ABCC1: variants seen among roughly 807,000 people sequenced by gnomAD.
ABCC1 encodes ATP binding cassette subfamily C member 1 (ABCC1 blood group).
ABCC1 carries 83 observed loss-of-function variants against 172.9 expected under a neutral mutation model. That is an observed-to-expected ratio of 0.48 (90% CI 0.40 to 0.58). The LOEUF is 0.58. ABCC1 is among the 20% of genes least tolerant of loss of function. The pLI, the probability that ABCC1 is intolerant of heterozygous loss-of-function variation, is 0.00. For synonymous variants in ABCC1, 937 were observed against 825.2 expected (o/e 1.14, Z -2.32); for missense variants, 1,817 against 2,002.7 (o/e 0.91, Z 1.77).
intron 1 of ABCC1, among the ~76,000 whole-genome samples, chr16:15,962,751 C>G (rs1352224379): frequency 6.6e-6 from 1 of 152,216 alleles, no homozygotes; most frequent in African/African-American, 2.4e-5. Context: ...ATCTAATCAC[C>G]TCCAGTGAGG....
chr16:16,086,179 G>A (rs138807612), intron 17 of ABCC1, among the ~76,000 whole-genome samples: 198 of 152,314 alleles, frequency 1.3e-3, no homozygotes, highest in Admixed American at 1.9e-3. Flanking sequence ...ATTTGGTGCC[G>A]TCAGCCATCC....
chr16:16,013,346 G>A (rs138355264), intron 3 of ABCC1, among the ~76,000 whole-genome samples: 1 of 150,366 alleles, frequency 6.7e-6, no homozygotes, highest in African/African-American at 2.4e-5. Context: ...TCTCAGCTCA[G>A]TGTAGCCTCC....
At chr16:16,037,033 C>T (rs1016922277) in intron 7 of ABCC1, among the ~76,000 whole-genome samples, 2 of 151,388 alleles carry the variant, frequency 1.3e-5, no homozygotes, top group Admixed American at 6.6e-5. Flanking sequence ...ACCCAGGAGG[C>T]GGAGGTTGCA....
chr16:15,949,201 G>T (rs765754524), upstream of ABCC1, among the ~76,000 whole-genome samples: 11 of 152,136 alleles, frequency 7.2e-5, no homozygotes, highest in East Asian at 1.9e-4. Flanking sequence ...CTTCATGAAC[G>T]TGGAGACTTT....
chr16:16,101,100 C>T (rs2051723691), intron 19 of ABCC1, among the ~76,000 whole-genome samples: 1 of 151,454 alleles, frequency 6.6e-6, no homozygotes, highest in African/African-American at 2.4e-5. Context: ...AGCATGATTT[C>T]AGCTCACTGC....
At chr16:16,015,249 C>T (rs1385427374) in intron 4 of ABCC1, among the ~76,000 whole-genome samples, 1 of 151,666 alleles carries the variant, frequency 6.6e-6, no homozygotes, top group Non-Finnish European at 1.5e-5. Flanking sequence ...AAGCGATTCT[C>T]CTGCCTCAGC....
intron 19 of ABCC1, among the ~76,000 whole-genome samples, chr16:16,101,014 GA>G (rs1470684307): frequency 7.0e-6 from 1 of 143,170 alleles, no homozygotes; most frequent in Non-Finnish European, 1.5e-5. Context: ...GTGTTTTTTA[GA>G]TTTTTTTTTT....
intron 12 of ABCC1, among the ~76,000 whole-genome samples, chr16:16,059,621 G>A (rs949111828): frequency 3.3e-5 from 5 of 151,960 alleles, no homozygotes; most frequent in Admixed American, 2.0e-4. Flanking sequence ...CCTAGCCAAC[G>A]TGGTGAAACC....
chr16:16,067,105 C>T (rs2050140601), intron 12 of ABCC1, among the ~76,000 whole-genome samples: 2 of 152,032 alleles, frequency 1.3e-5, no homozygotes, highest in South Asian at 4.2e-4. Flanking sequence ...AAAAAACTAG[C>T]CGGGCATGGT....
chr16:16,005,143 G>A (rs959420052), intron 1 of ABCC1, among the ~76,000 whole-genome samples: 3 of 151,246 alleles, frequency 2.0e-5, no homozygotes, highest in Admixed American at 1.3e-4. Flanking sequence ...ACTCCATGGG[G>A]GTCTCAGGTG....
chr16:15,974,855 C>T (rs570691294), intron 1 of ABCC1, among the ~76,000 whole-genome samples: 12 of 152,272 alleles, frequency 7.9e-5, no homozygotes, highest in East Asian at 3.9e-4. Flanking sequence ...GGCATGATCT[C>T]GGCTCACTGT....
intron 23 of ABCC1, among the ~76,000 whole-genome samples, chr16:16,121,056 G>A (rs2045130889): frequency 6.6e-6 from 1 of 152,116 alleles, no homozygotes; most frequent in Admixed American, 6.5e-5. Context: ...AGTATTACCA[G>A]GCACTGTGCT....
intron 7 of ABCC1, among the ~76,000 whole-genome samples, chr16:16,037,371 C>G (rs1391972671): frequency 6.6e-6 from 1 of 152,218 alleles, no homozygotes; most frequent in Non-Finnish European, 1.5e-5. Flanking sequence ...CCCCACTGCA[C>G]CACCTCTGTC....
intron 1 of ABCC1, 36 bp downstream of exon 1, chr16:15,949,835 G>C: frequency 8.4e-7 from 1 of 1,191,082 alleles, no homozygotes; most frequent in Non-Finnish European, 1.0e-6. Context: ...CGGCGGGACG[G>C]AGGGAGGCCG....
intron 5 of ABCC1, among the ~76,000 whole-genome samples, chr16:16,022,427 C>A (rs1429805616): frequency 6.6e-6 from 1 of 152,090 alleles, no homozygotes; most frequent in Non-Finnish European, 1.5e-5. Flanking sequence ...GGCACTGAGT[C>A]TGTGGTTTAG....
intron 13 of ABCC1, among the ~76,000 whole-genome samples, chr16:16,070,561 T>A (rs753176954): frequency 4.6e-5 from 7 of 150,822 alleles, no homozygotes; most frequent in Non-Finnish European, 1.0e-4. Flanking sequence ...GCTACTCGGT[T>A]GGCTGAGGCA....
chr16:16,113,435 C>T (rs999316839), intron 22 of ABCC1, among the ~76,000 whole-genome samples: 16 of 152,122 alleles, frequency 1.1e-4, no homozygotes, highest in African/African-American at 3.6e-4. Context: ...GCGGGTGGAT[C>T]GCTTAATCCA....
chr16:16,033,286 C>T, intron 6 of ABCC1, 116 bp downstream of exon 6: 1 of 1,049,272 alleles, frequency 9.5e-7, no homozygotes, highest in Non-Finnish European at 1.4e-6. Context: ...TGCTCTTCTG[C>T]AGAGTTGTCT....
intron 15 of ABCC1, among the ~76,000 whole-genome samples, chr16:16,078,468 C>A (rs965675997): frequency 3.3e-5 from 5 of 152,198 alleles, no homozygotes; most frequent in African/African-American, 1.2e-4. Context: ...CCCTTTTCAA[C>A]CCTTTGGTGG....
Sources: allele counts gnomAD v4.1 joint callset (sites outside exome capture counted in the v4.1 genomes callset), GRCh38; gene constraint gnomAD v4.1.1; transcripts MANE v1.5; gene names NCBI Gene and HGNC (gene_info 2026-07-23, HGNC 2026-07-21).